TENM2: variants seen among roughly 807,000 people sequenced by gnomAD.
TENM2 encodes the protein teneurin transmembrane protein 2, also known as teneurin-2.
Under a neutral mutation model 245.2 loss-of-function variants are expected in TENM2, and 52 were observed. The ratio of observed to expected loss-of-function variants is 0.21; its 90% CI spans 0.17 to 0.27. TENM2 has a LOEUF of 0.27. Among genes scored for constraint, TENM2 ranks in the 10% least tolerant of loss-of-function variants. The probability of loss-of-function intolerance (pLI) is 1.00; values close to 1 mark genes in which losing one functional copy is unlikely to be tolerated. For synonymous variants in TENM2, 1,363 were observed against 1,438.9 expected (o/e 0.95, Z 1.19); for missense variants, 3,046 against 3,666.8 (o/e 0.83, Z 4.37).
the TENM2 span, among the ~76,000 whole-genome samples, chr5:167,130,463 G>T: frequency 3.3e-5 from 5 of 152,146 alleles, no homozygotes; most frequent in African/African-American, 1.2e-4. Context: ...TTCTTACATT[G>T]TGGATAACTG....
At chr5:167,941,943 C>T (rs1779216992) in intron 3 of TENM2, among the ~76,000 whole-genome samples, 1 of 151,380 alleles carries the variant, frequency 6.6e-6, no homozygotes, top group South Asian at 2.1e-4. Flanking sequence ...CACAGTGGCT[C>T]ACACCTGTAA....
chr5:167,985,931 C>T (rs1173093332), intron 4 of TENM2, among the ~76,000 whole-genome samples: 4 of 152,216 alleles, frequency 2.6e-5, no homozygotes, highest in Non-Finnish European at 5.9e-5. Flanking sequence ...GCCTCCGCTT[C>T]TCAAAGCTAC....
chr5:167,475,510 G>A (rs934785156), intron 2 of TENM2, among the ~76,000 whole-genome samples: 23 of 151,850 alleles, frequency 1.5e-4, no homozygotes, highest in Admixed American at 2.6e-4. Flanking sequence ...TAAGTTCTGG[G>A]ATACATGTGC....
the TENM2 span, among the ~76,000 whole-genome samples, chr5:167,035,022 T>C: frequency 3.9e-5 from 6 of 152,144 alleles, no homozygotes; most frequent in African/African-American, 1.4e-4. Context: ...AAACAATCAG[T>C]TTTTCATAGA....
chr5:167,751,229 GAC>G, intron 2 of TENM2, among the ~76,000 whole-genome samples: 1 of 152,142 alleles, frequency 6.6e-6, no homozygotes, highest in Non-Finnish European at 1.5e-5. Flanking sequence ...GAACCCTATG[GAC>G]TCTGCCTTAA....
At chr5:166,991,440 C>T in the TENM2 span, among the ~76,000 whole-genome samples, 1 of 151,636 alleles carries the variant, frequency 6.6e-6, no homozygotes, top group Non-Finnish European at 1.5e-5. Flanking sequence ...TGCAGTTATC[C>T]TTGTTTCAGA....
chr5:167,842,995 C>G (rs1769690791), intron 2 of TENM2, among the ~76,000 whole-genome samples: 1 of 152,148 alleles, frequency 6.6e-6, no homozygotes, highest in Non-Finnish European at 1.5e-5. Flanking sequence ...TAGCACTTAC[C>G]TCAATTCGCA....
the TENM2 span, among the ~76,000 whole-genome samples, chr5:167,114,488 G>T: frequency 1.3e-5 from 2 of 152,152 alleles, no homozygotes; most frequent in African/African-American, 4.8e-5. Context: ...TCTCCTAGAA[G>T]AGATATCAGT....
chr5:167,700,066 T>C (rs1329606129), intron 2 of TENM2, among the ~76,000 whole-genome samples: 1 of 152,150 alleles, frequency 6.6e-6, no homozygotes, highest in Non-Finnish European at 1.5e-5. Context: ...TCAGACCTCT[T>C]CACAGACATG....
In TENM2 at chr5:168,124,915, C is replaced by G. The variant is rs375848462; in HGVS notation, c.2074C>G (p.Pro692Ala). The G allele has an allele frequency of 5.0e-6, 8 of 1,613,022 alleles. No individual in the cohort carries two copies. Among genetic ancestry groups the G allele is most frequent in the Non-Finnish European group, 6.8e-6 (8 of 1,179,612 alleles). The change falls in exon 11 of 29, where the codon CCT (proline) becomes GCT (alanine). Residue 692 changes from proline (P) to alanine (A), a missense_variant. By Grantham distance (27) the Pro-to-Ala change is conservative. This residue lies in a region of TENM2 where 2,704 missense variants were observed against 3,331.9 expected (regional missense o/e 0.81). Coordinates refer to ENST00000518659, the Ensembl canonical transcript of TENM2. The stretch of plus-strand genomic sequence containing the variant: ...TGTGAATGGAGAATGCCTGTGCAGC[C>G]CTGGCTGGGGTGGTCTGAACTGTGA...
chr5:167,776,234 G>T (rs1033986217), intron 2 of TENM2, among the ~76,000 whole-genome samples: 2 of 147,648 alleles, frequency 1.4e-5, no homozygotes, highest in Non-Finnish European at 3.0e-5. Context: ...TCAAGTGATG[G>T]TTGGACTAAA....
chr5:168,100,999 A>G (rs935546368), intron 9 of TENM2, among the ~76,000 whole-genome samples: 3 of 151,654 alleles, frequency 2.0e-5, no homozygotes, highest in African/African-American at 4.8e-5. Flanking sequence ...GCCACCCGAC[A>G]GCTCTCTGGG....
intron 3 of TENM2, among the ~76,000 whole-genome samples, chr5:167,933,858 A>T (rs1255766847): frequency 6.6e-6 from 1 of 152,168 alleles, no homozygotes; most frequent in East Asian, 1.9e-4. Context: ...AAATACCATT[A>T]CCTATGTAAA....
chr5:168,088,421 G>A (rs1055142859), intron 7 of TENM2: 2 of 152,164 alleles, frequency 1.3e-5, no homozygotes, highest in Admixed American at 6.5e-5. Context: ...ATGGGATATG[G>A]GGTAGAGAGA....
intron 5 of TENM2, among the ~76,000 whole-genome samples, chr5:168,029,743 C>T (rs974817834): frequency 3.3e-5 from 5 of 152,170 alleles, no homozygotes; most frequent in Admixed American, 6.5e-5. Flanking sequence ...TAACTGGCAC[C>T]GTGCCTAAAA....
chr5:167,192,998 A>G, the TENM2 span, among the ~76,000 whole-genome samples: 2 of 152,072 alleles, frequency 1.3e-5, no homozygotes, highest in Non-Finnish European at 2.9e-5. Flanking sequence ...AGAGTTTAGT[A>G]TGAATAATGA....
At chr5:168,081,418 T>C (rs2152197849) in intron 7 of TENM2, among the ~76,000 whole-genome samples, 1 of 152,340 alleles carries the variant, frequency 6.6e-6, no homozygotes, top group East Asian at 1.9e-4. Context: ...TTGGAGCATT[T>C]AGCCCATTTA....
intron 2 of TENM2, among the ~76,000 whole-genome samples, chr5:167,662,026 T>C (rs957841097): frequency 6.6e-6 from 1 of 152,218 alleles, no homozygotes; most frequent in Non-Finnish European, 1.5e-5. Flanking sequence ...GTTTGGAAGA[T>C]GTTTCTATCT....
intron 5 of TENM2, among the ~76,000 whole-genome samples, chr5:168,033,853 C>T (rs1326393472): frequency 6.6e-6 from 1 of 151,588 alleles, no homozygotes; most frequent in Non-Finnish European, 1.5e-5. Flanking sequence ...ATGGTGAAAC[C>T]CCGTCTCTAC....
Sources: gnomAD v4.1 joint callset for allele counts (sites outside exome capture counted in the v4.1 genomes callset) on GRCh38, gnomAD v4.1.1 for gene constraint, gnomAD v4.1.1 regional missense constraint, MANE v1.5 for transcripts, NCBI Gene and HGNC (gene_info 2026-07-23, HGNC 2026-07-21) for gene names.